CAMSAP2: variants seen among roughly 807,000 people sequenced by gnomAD.
CAMSAP2 encodes calmodulin-regulated spectrin-associated protein 2.
Under a neutral mutation model 146.1 loss-of-function variants are expected in CAMSAP2, and 26 were observed. The observed-to-expected ratio is 0.18, with a 90% confidence interval of 0.13 to 0.25. CAMSAP2 has a LOEUF of 0.25. CAMSAP2 is among the 10% of genes least tolerant of loss of function. The probability of loss-of-function intolerance (pLI) is 1.00; values close to 1 mark genes in which losing one functional copy is unlikely to be tolerated. For synonymous variants in CAMSAP2, 499 were observed against 596.6 expected, an observed-to-expected ratio of 0.84 and a Z score of 2.38; for missense variants, 1,381 against 1,759.3, an observed-to-expected ratio of 0.78 and a Z score of 3.85.
chr1:200,826,820 CT>C (rs1179332164), intron 4 of CAMSAP2, among the ~76,000 whole-genome samples: 1 of 151,968 alleles, frequency 6.6e-6, no homozygotes, highest in Non-Finnish European at 1.5e-5. Context: ...GTTTTTTCAC[CT>C]GTTATCCATG....
Position 200,853,504 on chromosome 1 carries a change from G to T in CAMSAP2, c.3823+9G>T. ...AATAAAGGGTCCTCCAGGTAACATA[G>T]CTTATTATGAAGAGTCTGTTCATAA... On this transcript the variant is annotated intron_variant, in intron 13 of 16. Transcript: ENST00000358823. The surrounding 1 kb of genome is among the most constrained non-coding windows in gnomAD (Gnocchi z 5.1). 7 of 1,587,898 alleles carry T rather than the reference G, an allele frequency of 4.4e-6. No homozygotes were observed. The highest frequency in any genetic ancestry group is 6.0e-6 in the Non-Finnish European group (7 of 1,158,116).
At chr1:200,827,351 T>C (rs1307314626) in intron 4 of CAMSAP2, among the ~76,000 whole-genome samples, 1 of 152,232 alleles carries the variant, frequency 6.6e-6, no homozygotes, top group African/African-American at 2.4e-5. Flanking sequence ...CCATTTTCTA[T>C]TTAATGGGTT....
chr1:200,785,392 TG>T (rs1178235332), intron 2 of CAMSAP2, among the ~76,000 whole-genome samples: 7 of 136,390 alleles, frequency 5.1e-5, no homozygotes, highest in African/African-American at 1.5e-4. Flanking sequence ...TTTTTTCTTT[TG>T]TTTTTTTTTT....
At chr1:200,843,119 A>T (rs1400966332) in intron 7 of CAMSAP2, among the ~76,000 whole-genome samples, 1 of 152,124 alleles carries the variant, frequency 6.6e-6, no homozygotes, top group East Asian at 1.9e-4. Flanking sequence ...TAGCTGCCCT[A>T]CCCAACGCAA....
chr1:200,750,549 C>T (rs915168145), intron 1 of CAMSAP2, among the ~76,000 whole-genome samples: 2 of 151,800 alleles, frequency 1.3e-5, no homozygotes, highest in African/African-American at 4.8e-5. Context: ...ATTCCTTCTT[C>T]CTACCTCCCA....
intron 2 of CAMSAP2, 29 bp from the exon 3 acceptor site, chr1:200,807,347 A>G: frequency 7.0e-7 from 1 of 1,422,742 alleles, no homozygotes; most frequent in Non-Finnish European, 9.3e-7. Context: ...ATAATTTTTA[A>G]ACTATTTGTT....
intron 15 of CAMSAP2, among the ~76,000 whole-genome samples, chr1:200,856,910 A>G (rs951764274): frequency 6.6e-6 from 1 of 152,186 alleles, no homozygotes; most frequent in South Asian, 2.1e-4. Flanking sequence ...CTGCTTCTCT[A>G]TGTTAGTTCA....
intron 11 of CAMSAP2, among the ~76,000 whole-genome samples, chr1:200,850,829 A>G (rs1667600727): frequency 1.3e-5 from 2 of 152,300 alleles, no homozygotes; most frequent in East Asian, 1.9e-4. Flanking sequence ...TACTGCTACT[A>G]AAGGTGATAG....
At chr1:200,752,849 C>T (rs1358471056) in intron 1 of CAMSAP2, among the ~76,000 whole-genome samples, 1 of 151,998 alleles carries the variant, frequency 6.6e-6, no homozygotes, top group East Asian at 1.9e-4. Flanking sequence ...GATCTCCTGA[C>T]CTTGTGATCC....
intron 2 of CAMSAP2, among the ~76,000 whole-genome samples, chr1:200,802,500 T>C (rs1440590336): frequency 6.6e-6 from 1 of 152,238 alleles, no homozygotes; most frequent in Non-Finnish European, 1.5e-5. Flanking sequence ...GGAATAACTT[T>C]GAAAAACTAT....
intron 3 of CAMSAP2, among the ~76,000 whole-genome samples, chr1:200,810,381 A>T (rs905365312): frequency 2.0e-5 from 3 of 152,022 alleles, no homozygotes; most frequent in African/African-American, 7.3e-5. Flanking sequence ...AGAGTTCAAG[A>T]CTAGCCTGGC....
intron 1 of CAMSAP2, among the ~76,000 whole-genome samples, chr1:200,757,115 A>G (rs905537291): frequency 1.3e-5 from 2 of 152,218 alleles, no homozygotes; most frequent in African/African-American, 4.8e-5. Context: ...GTTCTATAAT[A>G]GTTATTACCT....
intron 8 of CAMSAP2, among the ~76,000 whole-genome samples, chr1:200,845,707 C>CA (rs1667443262): frequency 6.6e-6 from 1 of 152,072 alleles, no homozygotes; most frequent in African/African-American, 2.4e-5. Context: ...GGAAATTTCT[C>CA]AAACAATAAA....
At chr1:200,845,256 C>CTT (rs11375893) in intron 8 of CAMSAP2, among the ~76,000 whole-genome samples, 58 of 148,202 alleles carry the variant, frequency 3.9e-4, no homozygotes, top group African/African-American at 5.4e-4. Flanking sequence ...GTTTTTCCTG[C>CTT]TTTTTTTTTT....
In CAMSAP2 at chr1:200,816,775, C is replaced by T. The variant is rs1396282430; in HGVS notation, c.645+1131C>T. ...GTATATATGTGTGTACACACACACG[C>T]GTGTATATATGTGTGTACACACACA... On this transcript the variant is annotated intron_variant, in intron 4 of 16. Coordinates refer to ENST00000358823, the MANE Select transcript of CAMSAP2 (RefSeq NM_203459.4). Among the ~76,000 whole-genome samples the T allele has an allele frequency of 1.3e-4, 15 of 113,166 alleles. 5 individuals are homozygous for T. The highest frequency in any genetic ancestry group is 1.1e-3 in the Admixed American group (13 of 11,848). The allele number at this position is 113,166 out of a possible 152,430, so 74.2% of individuals were successfully genotyped here.
intron 2 of CAMSAP2, among the ~76,000 whole-genome samples, chr1:200,778,848 T>C (rs1448709502): frequency 1.3e-5 from 2 of 152,224 alleles, no homozygotes; most frequent in Non-Finnish European, 1.5e-5. Flanking sequence ...TGGAATTTTA[T>C]TGGGTTGGGT....
At chr1:200,741,068 T>A (rs1228653065) in intron 1 of CAMSAP2, among the ~76,000 whole-genome samples, 1 of 152,172 alleles carries the variant, frequency 6.6e-6, no homozygotes, top group Non-Finnish European at 1.5e-5. Flanking sequence ...GTAAATGGTT[T>A]AGTTCAGTTT....
At chr1:200,840,694 T>C (rs1340015233) in intron 6 of CAMSAP2, among the ~76,000 whole-genome samples, 1 of 152,082 alleles carries the variant, frequency 6.6e-6, no homozygotes, top group Non-Finnish European at 1.5e-5. Context: ...GCATATAGAG[T>C]TTAAGGATTA....
intron 2 of CAMSAP2, 57 bp downstream of exon 2, chr1:200,761,155 G>A: frequency 6.8e-7 from 1 of 1,481,420 alleles, no homozygotes; most frequent in South Asian, 1.2e-5. Flanking sequence ...TTTTGAGTGT[G>A]AATGATATAC....
Sources: allele counts gnomAD v4.1 joint callset (sites outside exome capture counted in the v4.1 genomes callset), GRCh38; gene constraint gnomAD v4.1.1; non-coding constraint Gnocchi (gnomAD v3.1); transcripts MANE v1.5; gene names NCBI Gene and HGNC (gene_info 2026-07-23, HGNC 2026-07-21).